The following GPC6 variants were observed in gnomAD, a reference collection of about 807,000 sequenced individuals.
GPC6 encodes the protein glypican 6.
A neutral mutation model predicts 55.2 loss-of-function variants in GPC6; 14 were observed. That is an observed-to-expected ratio of 0.25 (90% CI 0.17 to 0.40). The LOEUF is 0.40. Among genes scored for constraint, GPC6 ranks in the 10% least tolerant of loss-of-function variants. The pLI is 1.00. For missense variants in GPC6, 641 were observed against 708.5 expected, an observed-to-expected ratio of 0.90 and a Z score of 1.08; for synonymous variants, 278 against 259.6, an observed-to-expected ratio of 1.07 and a Z score of -0.68.
intron 4 of GPC6, among the ~76,000 whole-genome samples, chr13:94,101,057 G>A (rs1482517278): frequency 6.6e-6 from 1 of 152,232 alleles, no homozygotes; most frequent in East Asian, 1.9e-4. Flanking sequence ...CCTACAGTCT[G>A]TGATCTGGGT....
chr13:93,436,373 C>G (rs1877574568), intron 1 of GPC6, among the ~76,000 whole-genome samples: 1 of 152,014 alleles, frequency 6.6e-6, no homozygotes, highest in Non-Finnish European at 1.5e-5. Context: ...CTTCCCAGAC[C>G]ACATTAAAAA....
intron 1 of GPC6, among the ~76,000 whole-genome samples, chr13:93,469,136 T>A (rs1879019322): frequency 6.6e-6 from 1 of 152,216 alleles, no homozygotes; most frequent in Non-Finnish European, 1.5e-5. Context: ...GAATATTATG[T>A]ATTTTTAGCA....
intron 3 of GPC6, among the ~76,000 whole-genome samples, chr13:94,005,841 A>T (rs928028484): frequency 3.3e-5 from 5 of 152,160 alleles, no homozygotes; most frequent in African/African-American, 1.2e-4. Flanking sequence ...TCTCAAGATA[A>T]ATCATTTTCT....
intron 1 of GPC6, among the ~76,000 whole-genome samples, chr13:93,284,917 G>T (rs1211674360): frequency 1.3e-5 from 2 of 152,174 alleles, no homozygotes; most frequent in Admixed American, 1.3e-4. Flanking sequence ...ATGAGAAAAG[G>T]CCTTCTTGGC....
intron 2 of GPC6, among the ~76,000 whole-genome samples, chr13:93,810,265 C>T (rs558880393): frequency 2.0e-5 from 3 of 152,272 alleles, no homozygotes; most frequent in East Asian, 1.9e-4. Flanking sequence ...ACATTGAGTC[C>T]GTTTCACTAT....
intron 3 of GPC6, among the ~76,000 whole-genome samples, chr13:93,873,876 T>C (rs1252813710): frequency 1.3e-5 from 2 of 151,904 alleles, no homozygotes; most frequent in Non-Finnish European, 2.9e-5. Context: ...TCTCTCACTG[T>C]GCACACTCTG....
At chr13:94,058,700 T>C (rs1357684604) in intron 4 of GPC6, among the ~76,000 whole-genome samples, 3 of 152,166 alleles carry the variant, frequency 2.0e-5, no homozygotes, top group South Asian at 2.1e-4. Context: ...ACTCCAGGCA[T>C]AGAGAGCAGG....
intron 2 of GPC6, among the ~76,000 whole-genome samples, chr13:93,591,186 G>A (rs887361734): frequency 6.7e-5 from 10 of 148,700 alleles, no homozygotes; most frequent in African/African-American, 2.5e-4. Context: ...ATCACCTTTC[G>A]GGTGCGGTGG....
chr13:94,394,754 G>T (rs771744019), intron 7 of GPC6, among the ~76,000 whole-genome samples: 10 of 152,128 alleles, frequency 6.6e-5, no homozygotes, highest in Non-Finnish European at 1.3e-4. Context: ...GTCATCTTTT[G>T]AATACACCAA....
chr13:93,643,411 T>C (rs1179410243), intron 2 of GPC6, among the ~76,000 whole-genome samples: 1 of 152,040 alleles, frequency 6.6e-6, no homozygotes, highest in Non-Finnish European at 1.5e-5. Flanking sequence ...AGCACAGATA[T>C]TTTTACAAGT....
At chr13:93,457,100 GC>G (rs1466183073) in intron 1 of GPC6, among the ~76,000 whole-genome samples, 1 of 152,042 alleles carries the variant, frequency 6.6e-6, no homozygotes, top group East Asian at 1.9e-4. Flanking sequence ...GTTTCCTGAG[GC>G]CTCCCCAGTC....
intron 1 of GPC6, among the ~76,000 whole-genome samples, chr13:93,468,701 T>C (rs1179568854): frequency 2.6e-5 from 4 of 152,084 alleles, no homozygotes; most frequent in Non-Finnish European, 5.9e-5. Context: ...GAAAAATCAC[T>C]TTCAGATAAA....
chr13:93,541,275 A>G (rs9561391), intron 1 of GPC6, among the ~76,000 whole-genome samples: 128,168 of 143,676 alleles, frequency 0.89, 57,600 homozygotes, highest in Non-Finnish European at 0.92. Flanking sequence ...AATATGCGGC[A>G]TTTGGTTTTT....
chr13:93,229,791 GAT>G (rs1875947565), intron 1 of GPC6, among the ~76,000 whole-genome samples: 2 of 151,664 alleles, frequency 1.3e-5, no homozygotes, highest in African/African-American at 2.4e-5. Flanking sequence ...TGTGTCCTTT[GAT>G]GCTGGTAGAC....
intron 4 of GPC6, among the ~76,000 whole-genome samples, chr13:94,125,385 G>A (rs1182797289): frequency 2.6e-5 from 4 of 151,962 alleles, no homozygotes; most frequent in Non-Finnish European, 4.4e-5. Flanking sequence ...TCCTATGAAA[G>A]GTGCCATGTG....
intron 4 of GPC6, among the ~76,000 whole-genome samples, chr13:94,078,215 T>G (rs542148993): frequency 6.6e-6 from 1 of 151,878 alleles, no homozygotes; most frequent in Non-Finnish European, 1.5e-5. Flanking sequence ...ATCTTGAAAC[T>G]GTGAAAATAA....
At chr13:93,264,906 T>A (rs1877274128) in intron 1 of GPC6, among the ~76,000 whole-genome samples, 1 of 152,186 alleles carries the variant, frequency 6.6e-6, no homozygotes, top group African/African-American at 2.4e-5. Context: ...CTTACCGTAT[T>A]TAGAATAGAA....
chr13:93,231,439 A>ATG (rs1876060859), intron 1 of GPC6, among the ~76,000 whole-genome samples: 1 of 130,666 alleles, frequency 7.7e-6, no homozygotes, highest in African/African-American at 2.8e-5. Context: ...ATATATATAT[A>ATG]TAGTCTGGTA....
intron 3 of GPC6, among the ~76,000 whole-genome samples, chr13:93,944,210 A>ATTTT (rs1878882648): frequency 1.4e-5 from 1 of 69,632 alleles, no homozygotes; most frequent in African/African-American, 4.6e-5. Context: ...TTATTTATTT[A>ATTTT]TTTATTTTTT....
Sources: allele counts gnomAD v4.1 joint callset (sites outside exome capture counted in the v4.1 genomes callset), GRCh38; gene constraint gnomAD v4.1.1; transcripts MANE v1.5; gene names NCBI Gene and HGNC (gene_info 2026-07-23, HGNC 2026-07-21).